The following NALF1 variants were observed in gnomAD, a reference collection of about 807,000 sequenced individuals.
NALF1 encodes the protein family with sequence similarity 155 member A.
In NALF1, 3 loss-of-function variants were observed where a neutral mutation model predicts 48.4. That is an observed-to-expected ratio of 0.06 (90% CI 0.03 to 0.16). The LOEUF is 0.16. NALF1 is among the 10% of genes least tolerant of loss of function. The pLI is 1.00. For missense variants in NALF1, 526 were observed against 571.5 expected (o/e 0.92, Z 0.81); for synonymous variants, 262 against 245.7 (o/e 1.07, Z -0.62).
intron 1 of NALF1, among the ~76,000 whole-genome samples, chr13:107,777,576 G>C (rs542274983): frequency 1.3e-5 from 2 of 152,246 alleles, no homozygotes; most frequent in East Asian, 3.9e-4. Flanking sequence ...TCTTGCTCCT[G>C]CATTCGTCAT....
chr13:107,814,437 A>G (rs971525749), intron 1 of NALF1, among the ~76,000 whole-genome samples: 1 of 152,188 alleles, frequency 6.6e-6, no homozygotes, highest in Admixed American at 6.5e-5. Context: ...TGCAGGAGAC[A>G]CTTCAGATGG....
chr13:107,425,843 T>C (rs1310534703), intron 1 of NALF1, among the ~76,000 whole-genome samples: 1 of 152,192 alleles, frequency 6.6e-6, no homozygotes, highest in Non-Finnish European at 1.5e-5. Flanking sequence ...TAGATATCTC[T>C]GTACTGTGAT....
At chr13:107,385,552 C>CAAAAAAAAAAAA (rs201307018) in intron 1 of NALF1, among the ~76,000 whole-genome samples, 3 of 118,284 alleles carry the variant, frequency 2.5e-5, no homozygotes, top group African/African-American at 6.7e-5. Flanking sequence ...GATTCCATCT[C>CAAAAAAAAAAAA]AAAAAAAAAA....
intron 1 of NALF1, among the ~76,000 whole-genome samples, chr13:107,839,869 C>T (rs1012642391): frequency 2.0e-5 from 3 of 152,098 alleles, no homozygotes; most frequent in Non-Finnish European, 4.4e-5. Flanking sequence ...GCATAGTCTA[C>T]AATATTCAGT....
chr13:107,503,568 T>C (rs192784578), intron 1 of NALF1, among the ~76,000 whole-genome samples: 2 of 152,290 alleles, frequency 1.3e-5, no homozygotes, highest in Admixed American at 1.3e-4. Context: ...AAACTAGGGC[T>C]ACCACATGAC....
At chr13:107,226,183 C>A (rs1322595766) in intron 1 of NALF1, among the ~76,000 whole-genome samples, 2 of 152,022 alleles carry the variant, frequency 1.3e-5, no homozygotes, top group East Asian at 3.9e-4. Context: ...GAGCAGGCTG[C>A]ATTGGATGAA....
chr13:107,783,980 G>A (rs935524876), intron 1 of NALF1, among the ~76,000 whole-genome samples: 1 of 151,942 alleles, frequency 6.6e-6, no homozygotes, highest in Non-Finnish European at 1.5e-5. Context: ...CCGGGAGGCA[G>A]TAGGATTACT....
intron 1 of NALF1, among the ~76,000 whole-genome samples, chr13:107,547,480 T>A (rs1877165919): frequency 6.6e-6 from 1 of 152,206 alleles, no homozygotes; most frequent in African/African-American, 2.4e-5. Flanking sequence ...ATTGAATGTT[T>A]CTCATTGGCT....
chr13:107,352,751 G>A (rs1882899317), intron 1 of NALF1, among the ~76,000 whole-genome samples: 1 of 152,132 alleles, frequency 6.6e-6, no homozygotes, highest in Non-Finnish European at 1.5e-5. Flanking sequence ...GGCCTTAGCT[G>A]CTTCACAATG....
intron 1 of NALF1, among the ~76,000 whole-genome samples, chr13:107,664,210 T>C (rs1380561559): frequency 6.6e-6 from 1 of 152,184 alleles, no homozygotes; most frequent in African/African-American, 2.4e-5. Flanking sequence ...ACCTAATGAA[T>C]AGCCTCTACA....
At chr13:107,312,411 A>G (rs1192225498) in intron 1 of NALF1, among the ~76,000 whole-genome samples, 2 of 148,194 alleles carry the variant, frequency 1.3e-5, no homozygotes, top group Middle Eastern at 3.4e-3. Flanking sequence ...ATCACACACC[A>G]GGGCCTGTTG....
chr13:107,490,825 A>AGTT (rs1885403824), intron 1 of NALF1, among the ~76,000 whole-genome samples: 1 of 152,182 alleles, frequency 6.6e-6, no homozygotes, highest in African/African-American at 2.4e-5. Flanking sequence ...ATAATAACAT[A>AGTT]ATGTACTTGA....
At chr13:107,714,294 T>C (rs1342771090) in intron 1 of NALF1, among the ~76,000 whole-genome samples, 1 of 152,188 alleles carries the variant, frequency 6.6e-6, no homozygotes, top group African/African-American at 2.4e-5. Context: ...TTCAGATCAC[T>C]TGTTGGCCTC....
intron 1 of NALF1, among the ~76,000 whole-genome samples, chr13:107,735,559 T>C (rs1186824315): frequency 1.3e-5 from 2 of 152,170 alleles, no homozygotes; most frequent in African/African-American, 4.8e-5. Context: ...TGAGATTAAG[T>C]TGGAAGAGGT....
chr13:107,443,129 A>G (rs758280606), intron 1 of NALF1, among the ~76,000 whole-genome samples: 1 of 152,206 alleles, frequency 6.6e-6, no homozygotes, highest in Admixed American at 6.5e-5. Context: ...CAATAGTATC[A>G]GAAACATTAC....
At chr13:107,437,868 G>A (rs1237688207) in intron 1 of NALF1, among the ~76,000 whole-genome samples, 1 of 152,138 alleles carries the variant, frequency 6.6e-6, no homozygotes, top group Non-Finnish European at 1.5e-5. Context: ...AACAGAAAGG[G>A]AGAGAGAGCA....
intron 1 of NALF1, among the ~76,000 whole-genome samples, chr13:107,687,422 C>A (rs1297032957): frequency 6.6e-6 from 1 of 150,530 alleles, no homozygotes; most frequent in Non-Finnish European, 1.5e-5. Flanking sequence ...TCAATATGCC[C>A]ATGTAGCAAA....
intron 1 of NALF1, among the ~76,000 whole-genome samples, chr13:107,522,926 T>C (rs1000972145): frequency 2.0e-5 from 3 of 152,008 alleles, no homozygotes; most frequent in African/African-American, 4.8e-5. Flanking sequence ...CCCCTCCAGA[T>C]TCTTTGAAAG....
At chr13:107,566,058 T>C (rs554352300) in intron 1 of NALF1, among the ~76,000 whole-genome samples, 1 of 152,296 alleles carries the variant, frequency 6.6e-6, no homozygotes, top group Non-Finnish European at 1.5e-5. Flanking sequence ...TGCTCAAACA[T>C]CATAAGTTAT....
Sources: gnomAD v4.1 joint callset for allele counts (sites outside exome capture counted in the v4.1 genomes callset) on GRCh38, gnomAD v4.1.1 for gene constraint, MANE v1.5 for transcripts, NCBI Gene and HGNC (gene_info 2026-07-23, HGNC 2026-07-21) for gene names.